The following COPG2 variants were observed in gnomAD, a reference collection of about 807,000 sequenced individuals.
COPG2 encodes the protein coatomer subunit gamma-2.
Under a neutral mutation model 46.3 loss-of-function variants are expected in COPG2, and 37 were observed. The ratio of observed to expected loss-of-function variants is 0.80; its 90% CI spans 0.61 to 1.05. COPG2 has a LOEUF of 1.05. Among genes scored for constraint, COPG2 ranks in the 50% least tolerant of loss-of-function variants. COPG2 has a pLI of 0.00. For synonymous variants in COPG2, 159 were observed against 129.7 expected (o/e 1.23, Z -1.53); for missense variants, 427 against 387.8 (o/e 1.10, Z -0.85).
intron 9 of COPG2, among the ~76,000 whole-genome samples, chr7:130,566,751 G>T (rs1270532937): frequency 3.9e-5 from 6 of 152,200 alleles, no homozygotes; most frequent in African/African-American, 1.4e-4. Flanking sequence ...GTTCTGGCAG[G>T]ATGTGACAGT....
At chr7:130,609,448 ACC>A (rs1416598777) in intron 9 of COPG2, among the ~76,000 whole-genome samples, 2 of 152,054 alleles carry the variant, frequency 1.3e-5, no homozygotes, top group Non-Finnish European at 2.9e-5. Context: ...CTTGCCTTCC[ACC>A]ATGATTGTGA....
chr7:130,517,221 A>G (rs1045168727), intron 20 of COPG2, among the ~76,000 whole-genome samples: 2 of 152,214 alleles, frequency 1.3e-5, no homozygotes, highest in Admixed American at 6.5e-5. Context: ...TTATGATGGA[A>G]TAAGAAGGAA....
chr7:130,641,262 T>C (rs1554457238), intron 5 of COPG2, among the ~76,000 whole-genome samples: 1 of 150,912 alleles, frequency 6.6e-6, no homozygotes, highest in Non-Finnish European at 1.5e-5. Flanking sequence ...GTACCTATAA[T>C]GACATGTATT....
rs534227536 is a variant in COPG2, at chr7:130,589,972, C to T, written c.737+20981G>A. On this transcript the variant is annotated intron_variant, in intron 9 of 23. Transcript: ENST00000425248. ...TTTCTCCCAGTCTATTTTTGTCTAA[C>T]TTTATGTATTTTTTAATCGTAAAAG... 7.2e-5 allele frequency among the ~76,000 whole-genome samples: 11 copies of T among 152,136 alleles called. No homozygotes were observed. The South Asian group carries it at 2.1e-3, about 29-fold the overall frequency.
At chr7:130,541,122 A>G (rs1006083253) in intron 20 of COPG2, among the ~76,000 whole-genome samples, 2 of 152,206 alleles carry the variant, frequency 1.3e-5, no homozygotes, top group Non-Finnish European at 2.9e-5. Context: ...CAAGACTGTC[A>G]GGTGTGGGAA....
intron 5 of COPG2, among the ~76,000 whole-genome samples, chr7:130,644,801 C>T (rs1554457852): frequency 6.6e-6 from 1 of 152,168 alleles, no homozygotes; most frequent in African/African-American, 2.4e-5. Context: ...GTGGCTCACG[C>T]CTGTAATCCC....
At position 130,613,699 on chromosome 7, in the gene COPG2, T is replaced by C. The variant is rs1384366360; in HGVS notation, c.400-63A>G. 12 of 1,047,122 alleles carry C rather than the reference T, an allele frequency of 1.1e-5. No homozygotes were observed. The East Asian group carries it at 1.3e-4, about 11-fold the overall frequency. The allele number at this position is 1,047,122 out of a possible 1,614,324, so 64.9% of individuals were successfully genotyped here. ...ACATGCTTATGCAAAATTACTCTTA[T>C]GCTTCAAAATAATTTTCAAAAACCA... On this transcript the variant is annotated intron_variant, in intron 6 of 23. Transcript: ENST00000425248.
At chr7:130,624,967 T>A (rs1795093253) in intron 5 of COPG2, among the ~76,000 whole-genome samples, 1 of 152,260 alleles carries the variant, frequency 6.6e-6, no homozygotes. Context: ...GTTCTACTTT[T>A]AACTCTTTAA....
At chr7:130,665,479 GA>G (rs1185631499) in intron 3 of COPG2, among the ~76,000 whole-genome samples, 10 of 147,950 alleles carry the variant, frequency 6.8e-5, no homozygotes, top group East Asian at 2.0e-4. Flanking sequence ...AATATTCAAG[GA>G]AAAAAAAAAC....
chr7:130,508,685 C>A, intron 20 of COPG2, 26 bp from the exon 21 acceptor site: 1 of 741,134 alleles, frequency 1.3e-6, no homozygotes, highest in Non-Finnish European at 2.5e-6. Flanking sequence ...GGCAAACCTG[C>A]ATCAGTGGGG....
intron 9 of COPG2, among the ~76,000 whole-genome samples, chr7:130,577,177 C>T (rs1394172774): frequency 4.6e-5 from 7 of 152,162 alleles, no homozygotes; most frequent in African/African-American, 9.7e-5. Flanking sequence ...CCAAGATGGC[C>T]GAATAGGAAC....
intron 9 of COPG2, among the ~76,000 whole-genome samples, chr7:130,585,988 A>T (rs970910155): frequency 6.6e-6 from 1 of 152,094 alleles, no homozygotes; most frequent in Admixed American, 6.6e-5. Context: ...GAGGAAAAGA[A>T]GTCATTATAT....
At chr7:130,620,976 A>G (rs1795029564) in intron 5 of COPG2, among the ~76,000 whole-genome samples, 1 of 152,182 alleles carries the variant, frequency 6.6e-6, no homozygotes, top group African/African-American at 2.4e-5. Flanking sequence ...TGCAGATGTG[A>G]TTAAGTTAAA....
chr7:130,527,923 G>C (rs1799789310), intron 20 of COPG2, among the ~76,000 whole-genome samples: 2 of 152,128 alleles, frequency 1.3e-5, no homozygotes, highest in Non-Finnish European at 2.9e-5. Flanking sequence ...GGAGGAGTGA[G>C]GCCCAGAGAA....
chr7:130,583,545 G>A (rs1205997750), intron 9 of COPG2, among the ~76,000 whole-genome samples: 59 of 132,996 alleles, frequency 4.4e-4, no homozygotes, highest in African/African-American at 1.5e-3. Flanking sequence ...AGTGGCTCAC[G>A]CCTGTAATCC....
intron 20 of COPG2, among the ~76,000 whole-genome samples, chr7:130,517,912 G>A (rs1799692208): frequency 7.4e-6 from 1 of 134,468 alleles, no homozygotes; most frequent in Non-Finnish European, 1.7e-5. Flanking sequence ...GAGTCTAATG[G>A]GTTAAATGTG....
In COPG2 at chr7:130,506,699, C is replaced by T. The variant is rs569754553; in HGVS notation, c.2593G>A (p.Val865Ile). 1 of 780,288 alleles carries T rather than the reference C, an allele frequency of 1.3e-6. No homozygotes were observed. Among genetic ancestry groups the T allele is most frequent in the Admixed American group, 1.7e-5 (1 of 58,992 alleles). The allele number at this position is 780,288 out of a possible 1,614,324, so 48.3% of individuals were successfully genotyped here. The part of the protein sequence containing the change: ...VRSKERTPVD[V>I]ILASVG ...ATTTATCCAACAGAAGCTAAGATAA[C>T]ATCTACAGGTGTTCTCTCTTTACTT... Residue 865 changes from valine (V) to isoleucine (I), a missense_variant, in exon 24 of 24, where the codon GTT becomes ATT. Val to Ile is a conservative substitution (Grantham distance 29). Coordinates refer to ENST00000425248, the MANE Select transcript of COPG2 (RefSeq NM_012133.6).
chr7:130,664,519 C>CA (rs1183607706), intron 3 of COPG2, among the ~76,000 whole-genome samples: 1 of 152,198 alleles, frequency 6.6e-6, no homozygotes, highest in East Asian at 1.9e-4. Flanking sequence ...TGTCAACTCT[C>CA]ATAGAAATTC....
chr7:130,540,708 C>T (rs954018578), intron 20 of COPG2, among the ~76,000 whole-genome samples: 2 of 151,920 alleles, frequency 1.3e-5, no homozygotes, highest in Admixed American at 1.3e-4. Flanking sequence ...TAGAATGCCA[C>T]CTATGGCAAG....
Sources: gnomAD v4.1 joint callset for allele counts (sites outside exome capture counted in the v4.1 genomes callset) on GRCh38, gnomAD v4.1.1 for gene constraint, MANE v1.5 for transcripts, NCBI Gene and HGNC (gene_info 2026-07-23, HGNC 2026-07-21) for gene names.